The following LAMB1 variants were observed in gnomAD, a reference collection of about 807,000 sequenced individuals.
LAMB1 encodes the protein laminin subunit beta 1, also known as laminin subunit beta-1.
Under a neutral mutation model 222.3 loss-of-function variants are expected in LAMB1, and 121 were observed. The ratio of observed to expected loss-of-function variants is 0.54; its 90% CI spans 0.47 to 0.63. The LOEUF is 0.63. Among genes scored for constraint, LAMB1 ranks in the 30% least tolerant of loss-of-function variants. The pLI is 0.00. For synonymous variants in LAMB1, 794 were observed against 807.2 expected, an observed-to-expected ratio of 0.98 and a Z score of 0.28; for missense variants, 2,172 against 2,240.8, an observed-to-expected ratio of 0.97 and a Z score of 0.62.
intron 25 of LAMB1, 133 bp downstream of exon 25, chr7:107,939,856 G>T: frequency 1.9e-6 from 2 of 1,034,724 alleles, no homozygotes; most frequent in Non-Finnish European, 2.8e-6. Flanking sequence ...AAAATAAATG[G>T]CTCAGAATCT....
intron 21 of LAMB1, among the ~76,000 whole-genome samples, chr7:107,954,708 G>A (rs550797477): frequency 6.6e-6 from 1 of 152,222 alleles, no homozygotes; most frequent in Admixed American, 6.5e-5. Flanking sequence ...GGAGAATGGC[G>A]TGAACCTGGG....
intron 28 of LAMB1, 49 bp from the exon 29 acceptor site, chr7:107,931,549 AG>A (rs2032712104): frequency 2.6e-6 from 4 of 1,537,008 alleles, no homozygotes; most frequent in Non-Finnish European, 3.6e-6. Context: ...TTCTTTCTAA[AG>A]GAGACCAGAA....
intron 19 of LAMB1, 99 bp downstream of exon 19, chr7:107,959,592 A>C (rs750325745): frequency 1.1e-5 from 17 of 1,611,300 alleles, no homozygotes; most frequent in African/African-American, 1.3e-5. Context: ...TGGTGTGATC[A>C]ACTTCAGGAG....
chr7:107,984,854 T>C (rs1340888217), intron 7 of LAMB1, among the ~76,000 whole-genome samples: 2 of 152,178 alleles, frequency 1.3e-5, no homozygotes, highest in Non-Finnish European at 2.9e-5. Flanking sequence ...ATATGGGATA[T>C]ATGGGATATA....
At chr7:107,983,337 C>T (rs898942103) in intron 7 of LAMB1, among the ~76,000 whole-genome samples, 5 of 152,072 alleles carry the variant, frequency 3.3e-5, no homozygotes, top group East Asian at 1.9e-4. Context: ...GAATCAGCCC[C>T]GCCTCTACTC....
rs1415970637 is a variant in LAMB1 at position 107,929,471 on chromosome 7, C to T, written c.4686G>A (p.Gln1562=). 7 of 1,614,126 alleles carry T rather than the reference C, an allele frequency of 4.3e-6. No individual in the cohort carries two copies. The highest frequency in any genetic ancestry group is 5.9e-6 in the Non-Finnish European group (7 of 1,180,008). The part of the protein sequence containing the change: ...ESLSQVEVIL[Q]HSAADIARAE... ...CTCTGGCAATGTCAGCAGCACTATG[C>T]TGAAGAATAACCTCTACTTGAGAAA... The change falls in exon 30 of 34, where the codon CAG becomes CAA. Residue 1562 remains glutamine (Q), a synonymous_variant. Transcript: ENST00000222399.
At chr7:107,962,787 T>A (rs1450814324) in intron 15 of LAMB1, 118 bp downstream of exon 15, 2 of 651,896 alleles carry the variant, frequency 3.1e-6, no homozygotes, top group East Asian at 5.6e-5. Flanking sequence ...TATAGGAATC[T>A]GATCTGTTCT....
rs373539020 is a variant in LAMB1, at chr7:107,964,542, C to T, written c.1698+10G>A. ...TGCTTTACCGACCTGCCACACACTC[C>T]CCTACTCACAGGCCCCAAGTTGGCT... On this transcript the variant is annotated intron_variant, in intron 14 of 33. Coordinates refer to ENST00000222399, the MANE Select transcript of LAMB1 (RefSeq NM_002291.3). 2 of 1,613,994 alleles carry T rather than the reference C, an allele frequency of 1.2e-6. No individual in the cohort carries two copies. Among genetic ancestry groups the T allele is most frequent in the African/African-American group, 1.3e-5 (1 of 74,928 alleles).
In LAMB1 at chr7:107,998,414, T is replaced by G; in HGVS notation, c.292A>C (p.Asn98His). 1 of 1,614,058 alleles carries G rather than the reference T, an allele frequency of 6.2e-7. No homozygotes were observed. Among genetic ancestry groups the G allele is most frequent in the Non-Finnish European group, 8.5e-7 (1 of 1,179,950 alleles). Reference sequence around the variant, plus strand: ...TTTGGAGCAAATGTAGTGACCACATTTTCAATGAGATGGCTGTCAGGATTC... The same window carrying G: ...TTTGGAGCAAATGTAGTGACCACATGTTCAATGAGATGGCTGTCAGGATTC... ...TLNPDSHLIE[N>H]VVTTFAPNRL... is the part of the protein sequence containing the mutation. The change falls in exon 4 of 34, where the codon AAT (asparagine) becomes CAT (histidine). Residue 98 changes from asparagine (N) to histidine (H), a missense_variant. By Grantham distance (68) the Asn-to-His change is moderately conservative. Coordinates refer to ENST00000222399, the MANE Select transcript of LAMB1 (RefSeq NM_002291.3).
Position 107,963,012 on chromosome 7 carries a change from T to C in LAMB1, c.1750A>G (p.Thr584Ala), listed in dbSNP as rs1383222511. The change falls in exon 15 of 34, where the codon ACT becomes GCT. Residue 584 changes from threonine to alanine, a missense_variant. Transcript: ENST00000222399. ...QYIQDRIPSW[T>A]GAGFVRVPEG... ...GGCACTCGGACGAAGCCGGCTCCAGTCCAGGAGGGAATCCGGTCCTGGATA... is the reference window on the plus strand; with the variant it reads ...GGCACTCGGACGAAGCCGGCTCCAGCCCAGGAGGGAATCCGGTCCTGGATA... The C allele has an allele frequency of 1.2e-6, 2 of 1,614,020 alleles. No homozygotes were observed. Among genetic ancestry groups the C allele is most frequent in the Non-Finnish European group, 1.7e-6 (2 of 1,179,944 alleles).
chr7:107,992,534 T>C (rs1455318063), intron 5 of LAMB1, among the ~76,000 whole-genome samples: 1 of 152,198 alleles, frequency 6.6e-6, no homozygotes, highest in Non-Finnish European at 1.5e-5. Context: ...ATGCCAAGCA[T>C]CTGCATTTAT....
In LAMB1 at chr7:107,952,197, C is replaced by A. The variant is rs143286536; in HGVS notation, c.3106G>T (p.Val1036Leu). Residue 1036 changes from valine (V) to leucine (L), a missense_variant, in exon 23 of 34, where the codon GTG (valine) becomes TTG (leucine). Physicochemically the swap from Val to Leu is conservative, Grantham distance 32 (BLOSUM62 1). Coordinates refer to ENST00000222399, the MANE Select transcript of LAMB1 (RefSeq NM_002291.3). Reference sequence around the variant, plus strand: ...TCAGAGCCGTTACAGTGCTCTTGCACGGTGCCCAGGTAATTACAGACACAC... The same window carrying A: ...TCAGAGCCGTTACAGTGCTCTTGCAAGGTGCCCAGGTAATTACAGACACAC... ...RKCVCNYLGT[V>L]QEHCNGSDCQ... is the part of the protein sequence containing the mutation. The A allele has an allele frequency of 1.9e-6, 3 of 1,609,698 alleles. No homozygotes were observed. The highest frequency in any genetic ancestry group is 2.7e-5 in the African/African-American group (2 of 74,976).
intron 7 of LAMB1, among the ~76,000 whole-genome samples, chr7:107,985,707 C>T (rs1172550866): frequency 6.6e-6 from 1 of 152,022 alleles, no homozygotes; most frequent in Non-Finnish European, 1.5e-5. Flanking sequence ...CCTGTAATCC[C>T]AGCACTTTGG....
At chr7:107,937,356 C>T in intron 25 of LAMB1, 79 bp from the exon 26 acceptor site, 1 of 1,084,196 alleles carries the variant, frequency 9.2e-7, no homozygotes, top group South Asian at 1.4e-5. Context: ...TCTACTAGTA[C>T]TGTATCCATT....
chr7:107,959,958 A>C, intron 18 of LAMB1, 124 bp from the exon 19 acceptor site: 2 of 1,300,284 alleles, frequency 1.5e-6, no homozygotes, highest in Non-Finnish European at 2.1e-6. Context: ...TATCATCCCT[A>C]TGATGAGCGG....
Position 107,929,461 on chromosome 7 carries a change from C to G in LAMB1, c.4696G>C (p.Ala1566Pro). ...AACATCTCAGCTCTGGCAATGTCAG[C>G]AGCACTATGCTGAAGAATAACCTCT... Reference protein sequence around the residue: ...QVEVILQHSAADIARAEMLLE... With the variant: ...QVEVILQHSAPDIARAEMLLE... The change falls in exon 30 of 34, where the codon GCT (alanine) becomes CCT (proline). Residue 1566 changes from alanine to proline, a missense_variant. Transcript: ENST00000222399. 6.2e-7 allele frequency: 1 copy of G among 1,614,172 alleles called. No homozygotes were observed. The highest frequency in any genetic ancestry group is 8.5e-7 in the Non-Finnish European group (1 of 1,180,022).
Position 107,975,309 on chromosome 7 carries a change from C to T in LAMB1, c.1294G>A (p.Val432Met). ...CAAACATCACAATGTTCTCCTTCCA[C>T]ATTTAATTTACACCGACACTGGCCA... is the stretch of plus-strand genomic sequence containing the variant. ...IAGQCRCKLNVEGEHCDVCKE... is the reference protein window; with the variant it reads ...IAGQCRCKLNMEGEHCDVCKE... The change falls in exon 11 of 34, where the codon GTG (valine) becomes ATG (methionine). Residue 432 changes from valine (V) to methionine (M), a missense_variant. Coordinates refer to ENST00000222399, the MANE Select transcript of LAMB1 (RefSeq NM_002291.3). The T allele has an allele frequency of 1.2e-6, 2 of 1,614,060 alleles. No homozygotes were observed. Among genetic ancestry groups the T allele is most frequent in the Non-Finnish European group, 1.7e-6 (2 of 1,179,940 alleles).
chr7:107,954,095 G>A (rs1178196024), intron 21 of LAMB1, among the ~76,000 whole-genome samples: 1 of 152,110 alleles, frequency 6.6e-6, no homozygotes, highest in East Asian at 1.9e-4. Context: ...CATGGGGGTG[G>A]AGCATGTTGG....
Position 107,955,611 on chromosome 7 carries a change from C to T in LAMB1, c.2710G>A (p.Gly904Ser). ...TCTCCTGACCCAATGATGGGGTCGCCATAGTAACCAGCCAAGCACCTGCAT... is the reference window on the plus strand; with the variant it reads ...TCTCCTGACCCAATGATGGGGTCGCTATAGTAACCAGCCAAGCACCTGCAT... ...NCERCLAGYYGDPIIGSGDHC... is the reference protein window; with the variant it reads ...NCERCLAGYYSDPIIGSGDHC... Residue 904 changes from glycine to serine, a missense_variant, in exon 21 of 34, where the codon GGC becomes AGC. Coordinates refer to ENST00000222399, the MANE Select transcript of LAMB1 (RefSeq NM_002291.3). 6.2e-7 allele frequency: 1 copy of T among 1,613,292 alleles called. No homozygotes were observed. Among genetic ancestry groups the T allele is most frequent in the Non-Finnish European group, 8.5e-7 (1 of 1,179,654 alleles).
Sources: allele counts gnomAD v4.1 joint callset (sites outside exome capture counted in the v4.1 genomes callset), GRCh38; gene constraint gnomAD v4.1.1; transcripts MANE v1.5; gene names NCBI Gene and HGNC (gene_info 2026-07-23, HGNC 2026-07-21).